The following MARK4 variants were observed in gnomAD, a reference collection of about 807,000 sequenced individuals.
MARK4 encodes microtubule affinity regulating kinase 4, also known as MAP/microtubule affinity-regulating kinase 4.
A neutral mutation model predicts 81.5 loss-of-function variants in MARK4; 19 were observed. The observed-to-expected ratio is 0.23, with a 90% CI of 0.16 to 0.34. The LOEUF is 0.34. Among genes scored for constraint, MARK4 ranks in the 10% least tolerant of loss-of-function variants. The pLI is 1.00. For synonymous variants in MARK4, 436 were observed against 439.0 expected (o/e 0.99, Z 0.08); for missense variants, 772 against 1,058.8 (o/e 0.73, Z 3.76).
At chr19:45,289,046 G>A (rs1021168692) in intron 13 of MARK4, among the ~76,000 whole-genome samples, 14 of 152,050 alleles carry the variant, frequency 9.2e-5, no homozygotes, top group African/African-American at 3.1e-4. Flanking sequence ...CCTTGACCAG[G>A]GTGCACACAG....
intron 12 of MARK4, among the ~76,000 whole-genome samples, chr19:45,283,742 C>A (rs1406273836): frequency 6.6e-6 from 1 of 152,124 alleles, no homozygotes; most frequent in African/African-American, 2.4e-5. Flanking sequence ...ACATTTGTAT[C>A]CGTGTTTTTG....
chr19:45,294,336 G>T lies in MARK4; in HGVS notation c.1495-13G>T. On this transcript the variant is annotated splice_polypyrimidine_tract_variant and intron_variant, in intron 13 of 16. Transcript: ENST00000262891. ...TCACCCCCTCACTCCCTTCCTGGCT[G>T]TGTCTCCTGCAGAACAACCTCCCTC... 1.2e-6 allele frequency: 2 copies of T among 1,613,334 alleles called. No individual in the cohort carries two copies.
At position 45,299,672 on chromosome 19, in the gene MARK4, A is replaced by C. The variant is rs560726214; in HGVS notation, c.1878-139A>C. ...GTTATGGGGATGGACAAGGAGATCAAATCCTGACTCCAGGCCCTCACCAGC... is the reference window on the plus strand; with the variant it reads ...GTTATGGGGATGGACAAGGAGATCACATCCTGACTCCAGGCCCTCACCAGC... On this transcript the variant is annotated intron_variant, in intron 15 of 16. Transcript: ENST00000262891. 6.5e-5 allele frequency: 38 copies of C among 584,678 alleles called. No homozygotes were observed. The East Asian group carries it at 1.2e-3, about 18-fold the overall frequency. The allele number at this position is 584,678 out of a possible 1,614,324, so 36.2% of individuals were successfully genotyped here. A position where few individuals can be genotyped will look rare whatever the true frequency, so the allele number is the denominator to read the frequency against.
At position 45,273,170 on chromosome 19, in the gene MARK4, C is replaced by T. The variant is rs902884675; in HGVS notation, c.786+1462C>T. ...CCCCCTTTGAACTTTTTATTTTGAA[C>T]GATTGCCAATCTACGGAAAAGTTGC... On this transcript the variant is annotated intron_variant, in intron 8 of 16. Transcript: ENST00000262891. 4.8e-4 allele frequency among the ~76,000 whole-genome samples: 72 copies of T among 150,944 alleles called. 1 individual carries two copies. The highest frequency in any genetic ancestry group is 1.7e-3 in the African/African-American group (70 of 40,996).
At position 45,287,682 on chromosome 19, in the gene MARK4, G is replaced by T; in HGVS notation, c.1494+18G>T. ...GCACCCCCGTGAGTGACCAGGGCTG[G>T]GGGGCAGGGCTGGGGGCGCCACCTG... On this transcript the variant is annotated intron_variant, in intron 13 of 16. Transcript: ENST00000262891. The T allele has an allele frequency of 1.2e-6, 2 of 1,601,276 alleles. No individual in the cohort carries two copies. Among genetic ancestry groups the T allele is most frequent in the South Asian group, 2.2e-5 (2 of 89,376 alleles).
intron 2 of MARK4, 92 bp downstream of exon 2, chr19:45,259,281 T>G: frequency 7.0e-7 from 1 of 1,436,890 alleles, no homozygotes; most frequent in Non-Finnish European, 9.4e-7. Context: ...GGCCCTGGGT[T>G]TGCTTTGTGG....
chr19:45,251,483 T>G lies in MARK4; in HGVS notation c.-106T>G. ...ACCCGGGCGTTCTCGGCGCCCAGCT[T>G]TTGAGCTCGCGTCCCCAGGCCGGCG... On this transcript the variant is annotated 5_prime_UTR_variant, in exon 1 of 17. Transcript: ENST00000262891. 2 of 651,256 alleles carry G rather than the reference T, an allele frequency of 3.1e-6. No homozygotes were observed. Among genetic ancestry groups the G allele is most frequent in the Non-Finnish European group, 4.8e-6 (2 of 415,192 alleles). The allele number at this position is 651,256 out of a possible 1,614,324, so 40.3% of individuals were successfully genotyped here. A position where few individuals can be genotyped will look rare whatever the true frequency, so the allele number is the denominator to read the frequency against.
chr19:45,293,851 T>C (rs1332064015), intron 13 of MARK4, among the ~76,000 whole-genome samples: 1 of 152,140 alleles, frequency 6.6e-6, no homozygotes, highest in Non-Finnish European at 1.5e-5. Flanking sequence ...GGCACGTGAC[T>C]CAGCCTGGGG....
chr19:45,302,805 C>A lies in MARK4; in HGVS notation c.*95C>A. 1.4e-6 allele frequency: 2 copies of A among 1,470,856 alleles called. No individual in the cohort carries two copies. The highest frequency in any genetic ancestry group is 9.0e-7 in the Non-Finnish European group (1 of 1,106,006). The allele number at this position is 1,470,856 out of a possible 1,614,324, so 91.1% of individuals were successfully genotyped here. A position where few individuals can be genotyped will look rare whatever the true frequency, so the allele number is the denominator to read the frequency against. On this transcript the variant is annotated 3_prime_UTR_variant, in exon 17 of 17. Transcript: ENST00000262891. This position sits in a 1 kb window ranked among gnomAD's most constrained non-coding sequence, Gnocchi z 4.9. ...GCCAGGGAGGGGATTCTCCCTTTAT[C>A]ATCACCTCAGTTTCCCTGAATTATA...
chr19:45,300,344 GAAAAAAAAAA>G (rs745730201), intron 16 of MARK4, among the ~76,000 whole-genome samples: 5 of 32,338 alleles, frequency 1.5e-4, no homozygotes, highest in East Asian at 3.8e-3. Context: ...AACTCCGTCT[GAAAAAAAAAA>G]AAAAAAAAAA....
chr19:45,288,146 T>C, intron 13 of MARK4: 1 of 171,912 alleles, frequency 5.8e-6, no homozygotes. Flanking sequence ...GAGAATCACT[T>C]GAGCCCAGGA....
intron 8 of MARK4, among the ~76,000 whole-genome samples, 187 bp from the exon 9 acceptor site, chr19:45,277,736 A>G (rs541455472): frequency 6.6e-6 from 1 of 151,706 alleles, no homozygotes; most frequent in Admixed American, 6.6e-5. Context: ...AACTGAGGTC[A>G]GGAGAAAGGA....
chr19:45,302,355 T>C lies in MARK4; in HGVS notation c.1923-19T>C. 6.2e-7 allele frequency: 1 copy of C among 1,614,042 alleles called. No individual in the cohort carries two copies. Among genetic ancestry groups the C allele is most frequent in the Non-Finnish European group, 8.5e-7 (1 of 1,179,902 alleles). On this transcript the variant is annotated intron_variant, in intron 16 of 16. Coordinates refer to ENST00000262891, the MANE Select transcript of MARK4 (RefSeq NM_001199867.2). The surrounding 1 kb of genome is among the most constrained non-coding windows in gnomAD (Gnocchi z 4.9). ...CCTCTTCGCTCCCATCTCTGACCCC[T>C]GACATCTTCTCGCCTCAGTTGCCAT...
At chr19:45,277,722 A>AGGGAACTG (rs1174718944) in intron 8 of MARK4, among the ~76,000 whole-genome samples, 1 of 151,846 alleles carries the variant, frequency 6.6e-6, no homozygotes, top group Non-Finnish European at 1.5e-5. Flanking sequence ...TTTTATGGAC[A>AGGGAACTG]GGGAACTGAG....
rs550098452 is a variant in MARK4, at chr19:45,263,313, G to A, written c.307-6G>A. The A allele has an allele frequency of 2.8e-5, 45 of 1,614,160 alleles. No individual in the cohort carries two copies. In the East Asian group the frequency reaches 8.2e-4, roughly 30 times the overall value. ...CTCCTCTGTCTTCCTTTCTGGCCAC[G>A]CCCAGCTGTTCCGAGAAGTCCGCAT... On this transcript the variant is annotated splice_polypyrimidine_tract_variant and splice_region_variant and intron_variant, in intron 3 of 16. Transcript: ENST00000262891.
chr19:45,294,522 T>A, intron 14 of MARK4, 70 bp downstream of exon 14: 1 of 1,345,450 alleles, frequency 7.4e-7, no homozygotes, highest in Non-Finnish European at 1.1e-6. Context: ...TCCCTTGATC[T>A]GAGATGATAG....
At chr19:45,280,541 G>C (rs946440027) in intron 11 of MARK4, 34 bp from the exon 12 acceptor site, 2 of 1,613,872 alleles carry the variant, frequency 1.2e-6, no homozygotes, top group Admixed American at 3.3e-5. Context: ...GGGACTTGGG[G>C]TGCAGAAGAG....
At chr19:45,267,550 G>A (rs939976789) in intron 7 of MARK4, among the ~76,000 whole-genome samples, 6 of 152,172 alleles carry the variant, frequency 3.9e-5, no homozygotes, top group Admixed American at 1.3e-4. Flanking sequence ...GTGGCTGACC[G>A]TTTGGTTGGC....
In MARK4 at chr19:45,251,432, G is replaced by C. The variant is rs1599773305; in HGVS notation, c.-157G>C. On this transcript the variant is annotated 5_prime_UTR_variant, in exon 1 of 17. Transcript: ENST00000262891. ...CCCTCGGCGTCCCTTCCCCTCCCCC[G>C]CCCTGCCCCCTCTCCCGCCGCGCGG... is the stretch of plus-strand genomic sequence containing the variant. 2.3e-4 allele frequency: 41 copies of C among 179,802 alleles called. No individual in the cohort carries two copies. The highest frequency in any genetic ancestry group is 7.6e-4 in the East Asian group (3 of 3,922). The allele number at this position is 179,802 out of a possible 1,614,324, so 11.1% of individuals were successfully genotyped here.
Sources: gnomAD v4.1 joint callset for allele counts (sites outside exome capture counted in the v4.1 genomes callset) on GRCh38, gnomAD v4.1.1 for gene constraint, Gnocchi (gnomAD v3.1) non-coding constraint, MANE v1.5 for transcripts, NCBI Gene and HGNC (gene_info 2026-07-23, HGNC 2026-07-21) for gene names.